The following CTNNA3 variants were observed in gnomAD, a reference collection of about 807,000 sequenced individuals.
The protein encoded by CTNNA3 is catenin alpha 3.
A neutral mutation model predicts 95.7 loss-of-function variants in CTNNA3; 76 were observed. The observed-to-expected ratio is 0.79, with a 90% confidence interval of 0.66 to 0.96. The LOEUF (loss-of-function observed/expected upper bound fraction) is 0.96. Among genes scored for constraint, CTNNA3 ranks in the 40% least tolerant of loss-of-function variants. The probability of loss-of-function intolerance (pLI) is 0.00; values close to 1 mark genes in which losing one functional copy is unlikely to be tolerated. For synonymous variants in CTNNA3, 431 were observed against 374.4 expected (o/e 1.15, Z -1.74); for missense variants, 1,191 against 1,089.8 (o/e 1.09, Z -1.31).
chr10:66,996,505 G>C (rs372789305), intron 7 of CTNNA3, among the ~76,000 whole-genome samples: 29 of 151,866 alleles, frequency 1.9e-4, no homozygotes, highest in Non-Finnish European at 3.4e-4. Context: ...GAAACTAGCC[G>C]GGCGTGGTGG....
chr10:66,290,253 A>G (rs2091658435), intron 12 of CTNNA3, among the ~76,000 whole-genome samples: 1 of 152,072 alleles, frequency 6.6e-6, no homozygotes, highest in Non-Finnish European at 1.5e-5. Context: ...AAGCTTTAAA[A>G]CAAGGCCAAC....
intron 13 of CTNNA3, among the ~76,000 whole-genome samples, chr10:66,130,698 G>A (rs1466926213): frequency 6.6e-6 from 1 of 151,030 alleles, no homozygotes; most frequent in Admixed American, 6.6e-5. Flanking sequence ...CAAAAAACGA[G>A]CCAAAAAATG....
chr10:67,562,839 C>A (rs532303364), intron 3 of CTNNA3, among the ~76,000 whole-genome samples: 2 of 152,012 alleles, frequency 1.3e-5, no homozygotes, highest in African/African-American at 4.8e-5. Flanking sequence ...TTCTTATACA[C>A]CAATAACAGA....
chr10:66,729,675 C>T (rs530561038), intron 9 of CTNNA3, among the ~76,000 whole-genome samples: 1 of 152,284 alleles, frequency 6.6e-6, no homozygotes, highest in East Asian at 1.9e-4. Flanking sequence ...TAAAAGACTA[C>T]AAATTGGATA....
intron 14 of CTNNA3, among the ~76,000 whole-genome samples, chr10:66,094,199 A>T (rs948183863): frequency 6.6e-6 from 1 of 151,956 alleles, no homozygotes; most frequent in African/African-American, 2.4e-5. Flanking sequence ...TTTCTCAGAG[A>T]TAATGAAATG....
chr10:66,759,609 G>T (rs1220137774), intron 9 of CTNNA3, among the ~76,000 whole-genome samples: 1 of 152,156 alleles, frequency 6.6e-6, no homozygotes, highest in Admixed American at 6.6e-5. Flanking sequence ...AGGCTTTAAA[G>T]ACATATGTAT....
At chr10:66,288,302 G>A (rs1018093350) in intron 12 of CTNNA3, among the ~76,000 whole-genome samples, 8 of 152,010 alleles carry the variant, frequency 5.3e-5, no homozygotes, top group Admixed American at 3.3e-4. Flanking sequence ...AGATAGATTT[G>A]TCTCAGAGTA....
chr10:66,240,834 A>T (rs1419242198), intron 13 of CTNNA3, among the ~76,000 whole-genome samples: 1 of 152,066 alleles, frequency 6.6e-6, no homozygotes, highest in African/African-American at 2.4e-5. Flanking sequence ...AATCTAAGCA[A>T]CCTCAAAAGT....
chr10:66,242,419 T>G (rs934006989), intron 13 of CTNNA3, among the ~76,000 whole-genome samples: 1 of 151,794 alleles, frequency 6.6e-6, no homozygotes. Flanking sequence ...GAGACGAAAA[T>G]GATATATTGA....
At chr10:67,128,322 G>C (rs545008123) in intron 7 of CTNNA3, among the ~76,000 whole-genome samples, 1 of 151,922 alleles carries the variant, frequency 6.6e-6, no homozygotes, top group Non-Finnish European at 1.5e-5. Flanking sequence ...AGGATGTATG[G>C]TTTTTCTAAA....
intron 7 of CTNNA3, among the ~76,000 whole-genome samples, chr10:66,920,247 C>T (rs2132596822): frequency 6.6e-6 from 1 of 152,138 alleles, no homozygotes; most frequent in East Asian, 1.9e-4. Context: ...GAAAATGGTT[C>T]CTAAGTAAAA....
At chr10:66,619,037 C>T (rs1320741575) in intron 10 of CTNNA3, among the ~76,000 whole-genome samples, 1 of 151,950 alleles carries the variant, frequency 6.6e-6, no homozygotes, top group African/African-American at 2.4e-5. Flanking sequence ...GTTAGAATGG[C>T]AATCATTAAA....
intron 11 of CTNNA3, among the ~76,000 whole-genome samples, chr10:66,481,137 G>A (rs948355642): frequency 4.6e-5 from 7 of 152,068 alleles, no homozygotes; most frequent in Admixed American, 2.6e-4. Context: ...AGGCGTAAAG[G>A]TATATGTCTG....
intron 6 of CTNNA3, among the ~76,000 whole-genome samples, chr10:67,204,886 G>A (rs1203983842): frequency 6.6e-6 from 1 of 152,172 alleles, no homozygotes; most frequent in Non-Finnish European, 1.5e-5. Flanking sequence ...ATGGGCAGGG[G>A]TAGACTGTCC....
At chr10:66,351,707 G>C (rs746044672) in intron 12 of CTNNA3, among the ~76,000 whole-genome samples, 7 of 151,884 alleles carry the variant, frequency 4.6e-5, no homozygotes, top group Non-Finnish European at 8.8e-5. Flanking sequence ...TGGAGAATTT[G>C]GTATGGGAAG....
intron 1 of CTNNA3, among the ~76,000 whole-genome samples, chr10:67,731,318 G>A (rs1373218423): frequency 6.6e-6 from 1 of 151,934 alleles, no homozygotes; most frequent in Non-Finnish European, 1.5e-5. Flanking sequence ...AGGAGCTCGT[G>A]ACCAGCCTGG....
At chr10:65,976,352 C>A (rs2078207420) in intron 16 of CTNNA3, among the ~76,000 whole-genome samples, 4 of 152,114 alleles carry the variant, frequency 2.6e-5, no homozygotes, top group Admixed American at 2.6e-4. Context: ...TAATCAGATT[C>A]TTGACCAATA....
chr10:67,723,581 A>C (rs1045871820), intron 1 of CTNNA3, among the ~76,000 whole-genome samples: 2 of 152,218 alleles, frequency 1.3e-5, no homozygotes, highest in Non-Finnish European at 2.9e-5. Flanking sequence ...CGCATAAGCC[A>C]CCATGCCCGG....
chr10:67,559,960 G>A (rs1841433398), intron 3 of CTNNA3, among the ~76,000 whole-genome samples: 2 of 151,850 alleles, frequency 1.3e-5, no homozygotes, highest in Non-Finnish European at 2.9e-5. Flanking sequence ...AGAAATGAAC[G>A]AAGCCTCCAA....
Sources: allele counts gnomAD v4.1 joint callset (sites outside exome capture counted in the v4.1 genomes callset), GRCh38; gene constraint gnomAD v4.1.1; transcripts MANE v1.5; gene names NCBI Gene and HGNC (gene_info 2026-07-23, HGNC 2026-07-21).